CFAP77: variants seen among roughly 807,000 people sequenced by gnomAD.
CFAP77 encodes cilia and flagella associated protein 77.
Under a neutral mutation model 31.1 loss-of-function variants are expected in CFAP77, and 25 were observed. The observed-to-expected ratio is 0.80, with a 90% CI of 0.59 to 1.12. The LOEUF (loss-of-function observed/expected upper bound fraction) is 1.12, where lower values mean the gene tolerates loss of function less well. Ranked by LOEUF, CFAP77 falls within the 50% of genes most tolerant of loss-of-function variation. The pLI is 0.00. For missense variants in CFAP77, 377 were observed against 397.3 expected (o/e 0.95, Z 0.44); for synonymous variants, 151 against 159.9 (o/e 0.94, Z 0.42).
In CFAP77 at chr9:132,446,576, TA is replaced by T. The variant is rs1299326736; in HGVS notation, c.195+36116del. ...TAACATGGTGAAACCCCGTCTCTAC[TA>T]AAAAATACAAAAAATTAGCTGGGCG... On this transcript the variant is annotated intron_variant, in intron 1 of 5. Coordinates refer to ENST00000393216, the MANE Select transcript of CFAP77 (RefSeq NM_001282957.2). 4.0e-5 allele frequency among the ~76,000 whole-genome samples: 6 copies of T among 151,544 alleles called. No homozygotes were observed. In the East Asian group the frequency reaches 5.8e-4, roughly 15 times the overall value.
At chr9:132,411,316 C>A (rs532568901) in intron 1 of CFAP77, among the ~76,000 whole-genome samples, 2 of 152,354 alleles carry the variant, frequency 1.3e-5, no homozygotes, top group East Asian at 3.9e-4. Context: ...AGGTGGTAAC[C>A]GTGGATTCAA....
chr9:132,435,255 A>G (rs1315886196), intron 1 of CFAP77, among the ~76,000 whole-genome samples: 1 of 152,210 alleles, frequency 6.6e-6, no homozygotes, highest in Non-Finnish European at 1.5e-5. Flanking sequence ...GAGTGGGCTA[A>G]TGAAAATGTC....
chr9:132,423,451 G>A (rs1351284375), intron 1 of CFAP77, among the ~76,000 whole-genome samples: 1 of 152,208 alleles, frequency 6.6e-6, no homozygotes, highest in Non-Finnish European at 1.5e-5. Context: ...TGTGTGCCGG[G>A]CACTGTGCCT....
intron 1 of CFAP77, among the ~76,000 whole-genome samples, chr9:132,445,850 CAG>C (rs955995150): frequency 1.8e-4 from 24 of 133,158 alleles, no homozygotes; most frequent in African/African-American, 6.7e-4. Context: ...GCCTGGGCGA[CAG>C]AGTGAGACTC....
chr9:132,559,391 C>A (rs1852960145), intron 5 of CFAP77, among the ~76,000 whole-genome samples: 2 of 123,764 alleles, frequency 1.6e-5, no homozygotes, highest in Admixed American at 7.8e-5. Context: ...ACAGACATTT[C>A]TCCAAAGGAG....
chr9:132,474,613 G>T (rs549288610), intron 1 of CFAP77, among the ~76,000 whole-genome samples: 2 of 152,240 alleles, frequency 1.3e-5, no homozygotes, highest in South Asian at 4.1e-4. Flanking sequence ...GCTGCTGGGG[G>T]TTGGTGGCAG....
chr9:132,514,726 C>T (rs73659074), intron 3 of CFAP77, among the ~76,000 whole-genome samples: 2,996 of 152,314 alleles, frequency 0.02, 59 homozygotes, highest in African/African-American at 0.044. Flanking sequence ...AGCCTCCCGG[C>T]GTCATTAGCT....
intron 5 of CFAP77, among the ~76,000 whole-genome samples, chr9:132,560,626 C>T (rs1198784730): frequency 1.3e-5 from 2 of 152,200 alleles, no homozygotes; most frequent in South Asian, 2.1e-4. Context: ...CGGTAAGTCC[C>T]GCAGCCCTGC....
rs751878802 is a variant in CFAP77 at position 132,572,405 on chromosome 9, T to TA, written c.751dup (p.Thr251AsnfsTer81). On this transcript the variant is annotated frameshift_variant, in exon 6 of 6. Transcript: ENST00000393216. LOFTEE classifies it high-confidence loss of function. ...ATCCACAGGTGGGCCGCCACCTTGA[T>TA]ACGTTCCCCACGGAGGCCGATCGCC... 1 of 1,613,636 alleles carries TA rather than the reference T, an allele frequency of 6.2e-7. No homozygotes were observed. The highest frequency in any genetic ancestry group is 8.5e-7 in the Non-Finnish European group (1 of 1,179,992).
chr9:132,511,946 T>A lies in CFAP77; in HGVS notation c.524+12346T>A, dbSNP rs1464688486. On this transcript the variant is annotated intron_variant, in intron 3 of 5. Coordinates refer to ENST00000393216, the MANE Select transcript of CFAP77 (RefSeq NM_001282957.2). The surrounding 1 kb of genome is among the most constrained non-coding windows in gnomAD (Gnocchi z 5.8). ...GCACACACCTGTCATCTCAGCTTCTTGGGAGGCTGAGGCAGGAGAATCACT... is the reference window on the plus strand; with the variant it reads ...GCACACACCTGTCATCTCAGCTTCTAGGGAGGCTGAGGCAGGAGAATCACT... Among the ~76,000 whole-genome samples the A allele has an allele frequency of 6.6e-6, 1 of 151,920 alleles. No individual in the cohort carries two copies. Among genetic ancestry groups the A allele is most frequent in the African/African-American group, 2.4e-5 (1 of 41,354 alleles).
In CFAP77 at chr9:132,517,877, G is replaced by C. The variant is rs574002262; in HGVS notation, c.524+18277G>C. Among the ~76,000 whole-genome samples the C allele has an allele frequency of 6.6e-6, 1 of 152,366 alleles. No homozygotes were observed. The highest frequency in any genetic ancestry group is 6.5e-5 in the Admixed American group (1 of 15,306). On this transcript the variant is annotated intron_variant, in intron 3 of 5. Coordinates refer to ENST00000393216, the MANE Select transcript of CFAP77 (RefSeq NM_001282957.2). This position sits in a 1 kb window ranked among gnomAD's most constrained non-coding sequence, Gnocchi z 4.7. Reference sequence around the variant, plus strand: ...GGTCTGGGGTATCAATCGCGGAGCAGTCAGGATGGGTTTGATGGAACTAAT... The same window carrying C: ...GGTCTGGGGTATCAATCGCGGAGCACTCAGGATGGGTTTGATGGAACTAAT...
intron 3 of CFAP77, among the ~76,000 whole-genome samples, chr9:132,505,761 T>C (rs999375398): frequency 1.3e-5 from 2 of 152,156 alleles, no homozygotes; most frequent in Non-Finnish European, 2.9e-5. Flanking sequence ...ACAGAATCCA[T>C]GGACTGTTTA....
chr9:132,444,500 C>T (rs746757849), intron 1 of CFAP77, among the ~76,000 whole-genome samples: 6 of 152,028 alleles, frequency 3.9e-5, no homozygotes, highest in Admixed American at 6.6e-5. Context: ...GCTCATGGCC[C>T]GCCTCCAGGG....
At chr9:132,479,132 T>C (rs1216758763) in intron 1 of CFAP77, among the ~76,000 whole-genome samples, 1 of 152,198 alleles carries the variant, frequency 6.6e-6, no homozygotes, top group Non-Finnish European at 1.5e-5. Context: ...TTTTCAAGAC[T>C]AAAAGCTAAG....
intron 5 of CFAP77, among the ~76,000 whole-genome samples, chr9:132,563,124 A>G (rs555245443): frequency 2.0e-5 from 3 of 152,136 alleles, no homozygotes; most frequent in African/African-American, 7.2e-5. Flanking sequence ...GGCTCAAGCA[A>G]TCCTCCCCCT....
intron 1 of CFAP77, among the ~76,000 whole-genome samples, chr9:132,427,369 C>T (rs1452173701): frequency 1.3e-5 from 2 of 152,208 alleles, no homozygotes; most frequent in Non-Finnish European, 2.9e-5. Context: ...TATGTCCCAC[C>T]CACTCCACTA....
intron 5 of CFAP77, among the ~76,000 whole-genome samples, chr9:132,558,404 C>T (rs1321101809): frequency 6.6e-6 from 1 of 152,214 alleles, no homozygotes; most frequent in African/African-American, 2.4e-5. Context: ...ATAAATTACT[C>T]TTATAAGCCA....
Position 132,545,948 on chromosome 9 carries a change from C to G in CFAP77, c.732+2901C>G, listed in dbSNP as rs972874863. Reference sequence around the variant, plus strand: ...GGATCCTTTCTTCCCCTTCACGGCACTTAACTCTGCAATTAATTAACTGGG... The same window carrying G: ...GGATCCTTTCTTCCCCTTCACGGCAGTTAACTCTGCAATTAATTAACTGGG... On this transcript the variant is annotated intron_variant, in intron 5 of 5. Transcript: ENST00000393216. This position sits in a 1 kb window ranked among gnomAD's most constrained non-coding sequence, Gnocchi z 4.6. Among the ~76,000 whole-genome samples the G allele has an allele frequency of 1.3e-5, 2 of 152,154 alleles. No homozygotes were observed. Among genetic ancestry groups the G allele is most frequent in the South Asian group, 2.1e-4 (1 of 4,820 alleles).
At chr9:132,523,419 G>A (rs571733905) in intron 3 of CFAP77, among the ~76,000 whole-genome samples, 2 of 152,222 alleles carry the variant, frequency 1.3e-5, no homozygotes, top group South Asian at 4.1e-4. Context: ...ACCCACGTTT[G>A]TGCAGAGGCA....
Sources: gnomAD v4.1 joint callset for allele counts (sites outside exome capture counted in the v4.1 genomes callset) on GRCh38, gnomAD v4.1.1 for gene constraint, Gnocchi (gnomAD v3.1) non-coding constraint, MANE v1.5 for transcripts, NCBI Gene and HGNC (gene_info 2026-07-23, HGNC 2026-07-21) for gene names.